The following CUL2 variants were observed in gnomAD, a reference collection of about 807,000 sequenced individuals.
CUL2 encodes the protein cullin-2.
CUL2 carries 22 observed loss-of-function variants against 110.2 expected under a neutral mutation model. The ratio of observed to expected loss-of-function variants is 0.20; its 90% CI spans 0.14 to 0.28. The LOEUF is 0.28. CUL2 is among the 10% of genes least tolerant of loss of function. The pLI is 1.00. For synonymous variants in CUL2, 279 were observed against 293.2 expected (o/e 0.95, Z 0.49); for missense variants, 631 against 905.5 (o/e 0.70, Z 3.89).
At chr10:35,106,320 G>GT (rs1161389212) in intron 1 of CUL2, among the ~76,000 whole-genome samples, 108 of 149,884 alleles carry the variant, frequency 7.2e-4, no homozygotes, top group African/African-American at 1.1e-3. Context: ...TTTTTTGTGG[G>GT]TTTTTTTTTG....
At chr10:35,095,327 A>C (rs1285827226), upstream of CUL2, among the ~76,000 whole-genome samples, 24 of 149,682 alleles carry the variant, frequency 1.6e-4, no homozygotes, top group East Asian at 4.4e-3. Context: ...CATCTCAAAA[A>C]AAAAAAAAAA....
At position 35,028,790 on chromosome 10, in the gene CUL2, T is replaced by C. The variant is rs760778559; in HGVS notation, c.1617+20A>G. 7.9e-5 allele frequency: 120 copies of C among 1,518,438 alleles called. No homozygotes were observed. Among genetic ancestry groups the C allele is most frequent in the Non-Finnish European group, 1.0e-4 (111 of 1,099,984 alleles). 94.1% of individuals were successfully genotyped at this position (1,518,438 alleles called of 1,614,324 possible). A position where few individuals can be genotyped will look rare whatever the true frequency, so the allele number is the denominator to read the frequency against. On this transcript the variant is annotated intron_variant, in intron 16 of 20. Transcript: ENST00000374749. ...TATTAAAATTCCTTTAGTCTTCTAA[T>C]ATATTTCCTGCAAACTTACCATCTG...
rs1453807716 is a variant in CUL2 at position 35,084,691 on chromosome 10, T to C, written c.-23+5488A>G. Among the ~76,000 whole-genome samples the C allele has an allele frequency of 2.0e-5, 3 of 152,204 alleles. No homozygotes were observed. In the East Asian group the frequency reaches 5.8e-4, roughly 29 times the overall value. On this transcript the variant is annotated intron_variant, in intron 1 of 20. Transcript: ENST00000374749. ...AGAGAGGGTTCAGTCATACATCTCA[T>C]AGATCAATAACTTGTTATAAATCTC... is the stretch of plus-strand genomic sequence containing the variant.
At chr10:35,052,776 T>C (rs1009790950) in intron 5 of CUL2, among the ~76,000 whole-genome samples, 2 of 151,734 alleles carry the variant, frequency 1.3e-5, no homozygotes, top group Non-Finnish European at 2.9e-5. Context: ...GCGCCTGTAG[T>C]CCCAGCTACT....
intron 16 of CUL2, among the ~76,000 whole-genome samples, chr10:35,025,899 C>T (rs2085325931): frequency 6.6e-6 from 1 of 152,108 alleles, no homozygotes; most frequent in Admixed American, 6.6e-5. Flanking sequence ...TATGCCAGTT[C>T]AGAATTCTGA....
chr10:35,125,416 A>G (rs868755852), intron 1 of CUL2, among the ~76,000 whole-genome samples: 2 of 152,236 alleles, frequency 1.3e-5, no homozygotes, highest in African/African-American at 4.8e-5. Context: ...CATTCCTTTG[A>G]TTCTTTTTGA....
In CUL2 at chr10:35,035,301, G is replaced by T; in HGVS notation, c.878-5C>A. 1 of 1,612,928 alleles carries T rather than the reference G, an allele frequency of 6.2e-7. No individual in the cohort carries two copies. The highest frequency in any genetic ancestry group is 1.1e-5 in the South Asian group (1 of 90,830). ...AGACGTACATATTTGCCATGTCTGAGAGGAAAAAGACATCTGAGGGTTAAC... is the reference window on the plus strand; with the variant it reads ...AGACGTACATATTTGCCATGTCTGATAGGAAAAAGACATCTGAGGGTTAAC... On this transcript the variant is annotated splice_polypyrimidine_tract_variant and splice_region_variant and intron_variant, in intron 9 of 20. Coordinates refer to ENST00000374749, the MANE Select transcript of CUL2 (RefSeq NM_003591.4).
chr10:35,055,810 T>C (rs2086227814), intron 4 of CUL2, among the ~76,000 whole-genome samples: 1 of 152,188 alleles, frequency 6.6e-6, no homozygotes, highest in Non-Finnish European at 1.5e-5. Context: ...CAAAATTTCA[T>C]GCTGAGTTTC....
intron 17 of CUL2, among the ~76,000 whole-genome samples, chr10:35,016,846 G>T (rs2085045198): frequency 6.7e-6 from 1 of 148,322 alleles, no homozygotes; most frequent in African/African-American, 2.5e-5. Context: ...AAAATCACTT[G>T]AACCTGGGAG....
chr10:35,070,830 C>T (rs528817956), intron 2 of CUL2, among the ~76,000 whole-genome samples: 16 of 152,262 alleles, frequency 1.1e-4, no homozygotes, highest in African/African-American at 3.8e-4. Flanking sequence ...CAAGCCTCCC[C>T]CACGTCCTTA....
In CUL2 at chr10:35,049,762, C is replaced by A. The variant is rs915597132; in HGVS notation, c.427G>T (p.Ala143Ser). The A allele has an allele frequency of 7.4e-6, 12 of 1,611,060 alleles. No homozygotes were observed. The South Asian group carries it at 1.1e-4, about 15-fold the overall frequency. ...ATCAATTTCCTCCACATATCCAATG[C>A]TAGCTGCCGGGAAAAACGAAAATCA... ...NEPLMEIGEL[A>S]LDMWRKLMVE... Residue 143 changes from alanine (A) to serine (S), a missense_variant, in exon 6 of 21, where the codon GCA (alanine) becomes TCA (serine). By Grantham distance (99) the Ala-to-Ser change is moderately conservative. Coordinates refer to ENST00000374749, the MANE Select transcript of CUL2 (RefSeq NM_003591.4).
chr10:35,086,349 A>C (rs965148070), intron 1 of CUL2, among the ~76,000 whole-genome samples: 3 of 152,032 alleles, frequency 2.0e-5, no homozygotes, highest in Admixed American at 6.6e-5. Flanking sequence ...CCCAGGCTGG[A>C]GTATAGTGGC....
At chr10:35,049,085 T>C (rs373116641) in intron 6 of CUL2, among the ~76,000 whole-genome samples, 70 of 152,310 alleles carry the variant, frequency 4.6e-4, no homozygotes, top group South Asian at 1.7e-3. Flanking sequence ...CTGAGAGTCT[T>C]TGAGCCAGAG....
rs543278791 is a variant in CUL2 at position 35,105,539 on chromosome 10, A to G, written c.-50-4479T>C. On this transcript the variant is annotated intron_variant, in intron 1 of 5. Transcript: ENST00000685421. Reference sequence around the variant, plus strand: ...GCTAACACAGTGGAAACCCGTCTCTACTAAAAAAATACAAAAAAATTTGCC... The same window carrying G: ...GCTAACACAGTGGAAACCCGTCTCTGCTAAAAAAATACAAAAAAATTTGCC... 1.5e-4 allele frequency among the ~76,000 whole-genome samples: 23 copies of G among 149,764 alleles called. No homozygotes were observed. In the East Asian group the frequency reaches 2.6e-3, roughly 17 times the overall value.
intron 1 of CUL2, among the ~76,000 whole-genome samples, chr10:35,119,102 G>T (rs79983062): frequency 0.034 from 5,197 of 152,224 alleles, 135 homozygotes; most frequent in Admixed American, 0.073. Context: ...ATCTAACATT[G>T]GATGGAGTCT....
chr10:35,072,786 G>T (rs909620300), intron 1 of CUL2, among the ~76,000 whole-genome samples: 4 of 152,184 alleles, frequency 2.6e-5, no homozygotes, highest in Non-Finnish European at 4.4e-5. Flanking sequence ...TAAGCTAAAT[G>T]TAATTGCTCA....
chr10:35,085,689 T>C (rs1157837565), intron 1 of CUL2, among the ~76,000 whole-genome samples: 1 of 138,452 alleles, frequency 7.2e-6, no homozygotes, highest in Non-Finnish European at 1.5e-5. Context: ...ACAGCCAGAC[T>C]CTGTCTCAAA....
chr10:35,013,623 C>A, intron 19 of CUL2, 76 bp downstream of exon 19: 1 of 946,748 alleles, frequency 1.1e-6, no homozygotes. Flanking sequence ...TTTGCACAAT[C>A]TCAATGTAAA....
chr10:35,097,473 G>A (rs1397429172), intron 2 of CUL2, among the ~76,000 whole-genome samples: 1 of 137,324 alleles, frequency 7.3e-6, no homozygotes, highest in African/African-American at 2.7e-5. Flanking sequence ...TTGGGCAACA[G>A]AGCAAGACCC....
Sources: gnomAD v4.1 joint callset for allele counts (sites outside exome capture counted in the v4.1 genomes callset) on GRCh38, gnomAD v4.1.1 for gene constraint, MANE v1.5 for transcripts, NCBI Gene and HGNC (gene_info 2026-07-23, HGNC 2026-07-21) for gene names.